TP63: variants seen among roughly 807,000 people sequenced by gnomAD.
TP63 encodes tumor protein p63, also known as tumor protein 63.
TP63 carries 17 observed loss-of-function variants against 82.8 expected under a neutral mutation model. The ratio of observed to expected loss-of-function variants is 0.21; its 90% CI spans 0.14 to 0.31. TP63 has a LOEUF of 0.31. Among genes scored for constraint, TP63 ranks in the 10% least tolerant of loss-of-function variants. TP63 has a pLI of 1.00. For synonymous variants in TP63, 330 were observed against 321.7 expected, an observed-to-expected ratio of 1.03 and a Z score of -0.28; for missense variants, 648 against 895.3, an observed-to-expected ratio of 0.72 and a Z score of 3.52.
intron 4 of TP63, among the ~76,000 whole-genome samples, chr3:189,815,059 C>T (rs984463895): frequency 2.6e-5 from 4 of 152,108 alleles, no homozygotes; most frequent in Admixed American, 2.0e-4. Context: ...CCCTATTCTT[C>T]TCCTCTTCCC....
the TP63 span, among the ~76,000 whole-genome samples, chr3:189,619,607 C>T: frequency 6.6e-6 from 1 of 152,116 alleles, no homozygotes; most frequent in Non-Finnish European, 1.5e-5. Context: ...GTTAAGAGCC[C>T]TAAGTTTTTC....
At chr3:189,803,877 T>G (rs1726585468) in intron 3 of TP63, among the ~76,000 whole-genome samples, 1 of 152,238 alleles carries the variant, frequency 6.6e-6, no homozygotes, top group Non-Finnish European at 1.5e-5. Context: ...CTTTATGTTT[T>G]GTGGAAAGAA....
intron 3 of TP63, among the ~76,000 whole-genome samples, chr3:189,768,351 A>C (rs1723102418): frequency 6.6e-6 from 1 of 152,106 alleles, no homozygotes; most frequent in South Asian, 2.1e-4. Context: ...TTTTGTATAG[A>C]AGTTACAATA....
At chr3:189,689,495 T>G (rs1361720669) in intron 1 of TP63, among the ~76,000 whole-genome samples, 1 of 152,134 alleles carries the variant, frequency 6.6e-6, no homozygotes, top group Non-Finnish European at 1.5e-5. Context: ...CATACTTAGT[T>G]GTAGAATTTG....
intron 13 of TP63, 131 bp downstream of exon 13, chr3:189,891,013 A>G (rs989413574): frequency 1.3e-6 from 1 of 788,292 alleles, no homozygotes; most frequent in Non-Finnish European, 2.1e-6. Context: ...CCATTTTGAT[A>G]GAACCCATAA....
intron 11 of TP63, among the ~76,000 whole-genome samples, chr3:189,888,791 T>C (rs1295323269): frequency 1.3e-5 from 2 of 152,260 alleles, no homozygotes; most frequent in African/African-American, 4.8e-5. Context: ...TGTATCATCA[T>C]TTATTAGGCA....
intron 3 of TP63, among the ~76,000 whole-genome samples, chr3:189,801,105 T>G (rs1726257888): frequency 6.6e-6 from 1 of 152,176 alleles, no homozygotes; most frequent in African/African-American, 2.4e-5. Flanking sequence ...AAAATATTTT[T>G]AAACTCACTT....
At chr3:189,597,087 G>A in the TP63 span, among the ~76,000 whole-genome samples, 1 of 152,178 alleles carries the variant, frequency 6.6e-6, no homozygotes, top group Non-Finnish European at 1.5e-5. Flanking sequence ...CTTAAGAGCT[G>A]TAACACTCAC....
chr3:189,847,227 G>A (rs1031400194), intron 4 of TP63, among the ~76,000 whole-genome samples: 3 of 152,006 alleles, frequency 2.0e-5, no homozygotes, highest in Non-Finnish European at 2.9e-5. Context: ...GTGTGGTGGC[G>A]GGCGCCTGTA....
At chr3:189,812,220 A>G (rs1727646299) in intron 4 of TP63, among the ~76,000 whole-genome samples, 1 of 152,188 alleles carries the variant, frequency 6.6e-6, no homozygotes, top group African/African-American at 2.4e-5. Context: ...TTTAAAGTAT[A>G]TGTGCATTTT....
At chr3:189,746,312 G>T (rs1330481669) in intron 3 of TP63, among the ~76,000 whole-genome samples, 1 of 151,686 alleles carries the variant, frequency 6.6e-6, no homozygotes, top group African/African-American at 2.4e-5. Context: ...ATTATACTCA[G>T]CAAAGTTATC....
At chr3:189,655,514 T>C (rs13082542) in intron 1 of TP63, among the ~76,000 whole-genome samples, 17,773 of 151,966 alleles carry the variant, frequency 0.12, 1,392 homozygotes, top group East Asian at 0.38. Flanking sequence ...CCCAGCTACT[T>C]GGGAGGCTGA....
chr3:189,846,862 T>C (rs1166895567), intron 4 of TP63, among the ~76,000 whole-genome samples: 7 of 151,702 alleles, frequency 4.6e-5, no homozygotes, highest in African/African-American at 1.7e-4. Context: ...TTTATATTTT[T>C]AGTAGAGATG....
At chr3:189,866,935 TG>T in intron 6 of TP63, 138 bp downstream of exon 6, 1 of 773,784 alleles carries the variant, frequency 1.3e-6, no homozygotes. Flanking sequence ...ATAATATTTT[TG>T]TATTTTTTTC....
At chr3:189,681,051 T>G (rs747769988) in intron 1 of TP63, among the ~76,000 whole-genome samples, 3 of 152,196 alleles carry the variant, frequency 2.0e-5, no homozygotes, top group Non-Finnish European at 4.4e-5. Context: ...GAGGCACTGC[T>G]TAGGTGTGAG....
chr3:189,749,725 T>C (rs1721656585), intron 3 of TP63, among the ~76,000 whole-genome samples: 1 of 152,230 alleles, frequency 6.6e-6, no homozygotes, highest in African/African-American at 2.4e-5. Flanking sequence ...AAAGGATACA[T>C]GCACTTGCAT....
chr3:189,844,057 A>G (rs1490515660), intron 4 of TP63: 1 of 202,208 alleles, frequency 4.9e-6, no homozygotes, highest in Non-Finnish European at 1.0e-5. Context: ...GTACCCATTC[A>G]CCCCCCCTAC....
chr3:189,725,290 A>G (rs1249188312), intron 1 of TP63, among the ~76,000 whole-genome samples: 6 of 152,240 alleles, frequency 3.9e-5, no homozygotes, highest in Non-Finnish European at 7.3e-5. Flanking sequence ...TATACACAAG[A>G]CAGACCCTGT....
At chr3:189,656,362 T>G (rs922240490) in intron 1 of TP63, among the ~76,000 whole-genome samples, 1 of 152,142 alleles carries the variant, frequency 6.6e-6, no homozygotes, top group Non-Finnish European at 1.5e-5. Flanking sequence ...TTGCAATTTT[T>G]ACATAAATAG....
Sources: allele counts gnomAD v4.1 joint callset (sites outside exome capture counted in the v4.1 genomes callset), GRCh38; gene constraint gnomAD v4.1.1; transcripts MANE v1.5; gene names NCBI Gene and HGNC (gene_info 2026-07-23, HGNC 2026-07-21).